Variants in SLC6A5 observed in about 807,000 individuals in gnomAD.
SLC6A5 encodes the protein sodium- and chloride-dependent glycine transporter 2.
SLC6A5 carries 58 observed loss-of-function variants against 90.5 expected under a neutral mutation model. That is an observed-to-expected ratio of 0.64 (90% CI 0.52 to 0.80). SLC6A5 has a LOEUF of 0.80. SLC6A5 is among the 30% of genes least tolerant of loss of function. The pLI, the probability that SLC6A5 is intolerant of heterozygous loss-of-function variation, is 0.00. For synonymous variants in SLC6A5, 427 were observed against 401.4 expected (o/e 1.06, Z -0.76); for missense variants, 1,015 against 1,017.6 (o/e 1.00, Z 0.03).
rs1409486234 is a variant in SLC6A5 at position 20,656,029 on chromosome 11, A to G, written c.*1161A>G. 6.6e-6 allele frequency: 1 copy of G among 152,208 alleles called. No individual in the cohort carries two copies. Among genetic ancestry groups the G allele is most frequent in the African/African-American group, 2.4e-5 (1 of 41,460 alleles). 9.4% of individuals were successfully genotyped at this position (152,208 alleles called of 1,614,324 possible). A position where few individuals can be genotyped will look rare whatever the true frequency, so the allele number is the denominator to read the frequency against. Reference sequence around the variant, plus strand: ...GCTTAGGTAAGTAGCGAGTGAGCCAATTAAGACTATAGCTTTTAAGACTAC... The same window carrying G: ...GCTTAGGTAAGTAGCGAGTGAGCCAGTTAAGACTATAGCTTTTAAGACTAC... On this transcript the variant is annotated 3_prime_UTR_variant, in exon 16 of 16. Coordinates refer to ENST00000525748, the MANE Select transcript of SLC6A5 (RefSeq NM_004211.5).
chr11:20,626,690 T>C lies in SLC6A5; in HGVS notation c.1261-18T>C. On this transcript the variant is annotated intron_variant, in intron 7 of 15. Coordinates refer to ENST00000525748, the MANE Select transcript of SLC6A5 (RefSeq NM_004211.5). ...GCAGGGCTGCTTCTTCCAGCCCCTC[T>C]GCCCATGGCTTTTCTAGGTGGTGTA... The C allele has an allele frequency of 1.2e-6, 2 of 1,613,884 alleles. No individual in the cohort carries two copies. Among genetic ancestry groups the C allele is most frequent in the Non-Finnish European group, 1.7e-6 (2 of 1,179,812 alleles).
At chr11:20,603,575 G>A (rs1852518623) in intron 2 of SLC6A5, among the ~76,000 whole-genome samples, 1 of 152,212 alleles carries the variant, frequency 6.6e-6, no homozygotes, top group South Asian at 2.1e-4. Flanking sequence ...TAGATGGCTT[G>A]TCTCTTCCCA....
chr11:20,613,485 A>G (rs922065754), intron 5 of SLC6A5, among the ~76,000 whole-genome samples: 1 of 152,150 alleles, frequency 6.6e-6, no homozygotes, highest in Non-Finnish European at 1.5e-5. Flanking sequence ...AATGACAATA[A>G]TAATATATAC....
rs1853656712 is a variant in SLC6A5, at chr11:20,657,893, G to A, written c.*3025G>A. 6.6e-6 allele frequency: 1 copy of A among 152,150 alleles called. No homozygotes were observed. The highest frequency in any genetic ancestry group is 1.5e-5 in the Non-Finnish European group (1 of 68,024). The allele number at this position is 152,150 out of a possible 1,614,324, so 9.4% of individuals were successfully genotyped here. On this transcript the variant is annotated 3_prime_UTR_variant, in exon 16 of 16. Coordinates refer to ENST00000525748, the MANE Select transcript of SLC6A5 (RefSeq NM_004211.5). ...ATTATCTTTAGGACTGTGCTTATCA[G>A]GTACAAATGTGTCTAGTTCTGTTTT...
chr11:20,606,342 G>T (rs1377954020), intron 3 of SLC6A5, among the ~76,000 whole-genome samples: 2 of 152,218 alleles, frequency 1.3e-5, no homozygotes, highest in African/African-American at 4.8e-5. Context: ...CCTGGAGAAA[G>T]GTACTGTGGG....
At chr11:20,637,848 T>A (rs1233890701) in intron 12 of SLC6A5, among the ~76,000 whole-genome samples, 1 of 152,224 alleles carries the variant, frequency 6.6e-6, no homozygotes, top group Non-Finnish European at 1.5e-5. Context: ...TTTCTTCCAG[T>A]CCCAAGTGTC....
chr11:20,637,345 G>C, intron 12 of SLC6A5, 42 bp downstream of exon 12: 2 of 1,563,098 alleles, frequency 1.3e-6, no homozygotes, highest in Non-Finnish European at 1.8e-6. Context: ...GGGGGCAGGA[G>C]GGTGGGGGGC....
chr11:20,633,983 T>C (rs1235286704), intron 10 of SLC6A5, among the ~76,000 whole-genome samples: 2 of 152,138 alleles, frequency 1.3e-5, no homozygotes, highest in Non-Finnish European at 2.9e-5. Flanking sequence ...ACCATTCTCC[T>C]GCCTCAGCCT....
chr11:20,629,993 G>C lies in SLC6A5; in HGVS notation c.1500-698G>C, dbSNP rs1382156643. Among the ~76,000 whole-genome samples, 3 of 152,250 alleles carry C rather than the reference G, an allele frequency of 2.0e-5. No homozygotes were observed. In the East Asian group the frequency reaches 5.8e-4, roughly 29 times the overall value. Reference sequence around the variant, plus strand: ...CTGCCTTGGCCTCCCAAAGTGCCGGGATTACAGGTATGAGCCACCGTGCCC... The same window carrying C: ...CTGCCTTGGCCTCCCAAAGTGCCGGCATTACAGGTATGAGCCACCGTGCCC... On this transcript the variant is annotated intron_variant, in intron 9 of 15. Transcript: ENST00000525748.
intron 7 of SLC6A5, among the ~76,000 whole-genome samples, chr11:20,625,811 G>A (rs1852982925): frequency 2.0e-5 from 3 of 152,174 alleles, no homozygotes; most frequent in South Asian, 2.1e-4. Flanking sequence ...CACTTGTCCA[G>A]TTCAGTGTCA....
At chr11:20,614,215 C>A (rs558209978) in intron 5 of SLC6A5, among the ~76,000 whole-genome samples, 2 of 152,158 alleles carry the variant, frequency 1.3e-5, no homozygotes, top group African/African-American at 4.8e-5. Context: ...TAATTCAATT[C>A]GTTTCAGCAA....
At chr11:20,604,134 T>C in intron 2 of SLC6A5, 152 bp from the exon 3 acceptor site, 13 of 928,382 alleles carry the variant, frequency 1.4e-5, no homozygotes, top group Non-Finnish European at 2.1e-5. Flanking sequence ...GCATCCTTTC[T>C]TTAGATTTGG....
chr11:20,601,527 G>T lies in SLC6A5; in HGVS notation c.402G>T (p.Val134=). ...FLRGPEGDAN[V]SVGKGTLERN... ...GAGGCCCGGAGGGGGATGCGAACGT[G>T]AGTGTGGGCAAGGGCACCCTGGAGC... Residue 134 remains valine, a synonymous_variant, in exon 2 of 16, where the codon GTG becomes GTT. Coordinates refer to ENST00000525748, the MANE Select transcript of SLC6A5 (RefSeq NM_004211.5). 6.2e-7 allele frequency: 1 copy of T among 1,614,164 alleles called. No individual in the cohort carries two copies. The highest frequency in any genetic ancestry group is 8.5e-7 in the Non-Finnish European group (1 of 1,179,980).
chr11:20,659,228 A>C lies in SLC6A5; in HGVS notation c.*4360A>C, dbSNP rs994290926. The C allele has an allele frequency of 6.6e-6, 1 of 152,154 alleles. No homozygotes were observed. The highest frequency in any genetic ancestry group is 1.9e-4 in the East Asian group (1 of 5,180). The allele number at this position is 152,154 out of a possible 1,614,324, so 9.4% of individuals were successfully genotyped here. ...TATGTACTGATATAAATTAGAATTT[A>C]CCCTAATAATGTATGAGTTCACAAA... On this transcript the variant is annotated 3_prime_UTR_variant, in exon 16 of 16. Transcript: ENST00000525748.
At chr11:20,622,399 A>G (rs1852909150) in intron 7 of SLC6A5, among the ~76,000 whole-genome samples, 1 of 152,148 alleles carries the variant, frequency 6.6e-6, no homozygotes, top group South Asian at 2.1e-4. Context: ...CTGACAGTGA[A>G]TGCCTCTGTA....
intron 5 of SLC6A5, among the ~76,000 whole-genome samples, chr11:20,610,288 T>C (rs575432464): frequency 1.3e-5 from 2 of 151,770 alleles, no homozygotes; most frequent in African/African-American, 4.9e-5. Context: ...CTGGGAAGCA[T>C]GCTCCTGCCG....
intron 5 of SLC6A5, among the ~76,000 whole-genome samples, chr11:20,613,198 G>A (rs1201862117): frequency 6.6e-6 from 1 of 152,172 alleles, no homozygotes; most frequent in East Asian, 1.9e-4. Context: ...TTCCTTATCT[G>A]TAACATAGAG....
intron 13 of SLC6A5, among the ~76,000 whole-genome samples, chr11:20,646,038 C>T (rs1238184887): frequency 6.6e-6 from 1 of 152,080 alleles, no homozygotes; most frequent in Non-Finnish European, 1.5e-5. Context: ...ATCTTAATCC[C>T]ACAGTCCTGG....
chr11:20,606,361 G>A (rs1053214411), intron 3 of SLC6A5, among the ~76,000 whole-genome samples: 1 of 152,244 alleles, frequency 6.6e-6, no homozygotes, highest in African/African-American at 2.4e-5. Flanking sequence ...GGAGGACTCA[G>A]AAGGGAGACT....
Sources: gnomAD v4.1 joint callset for allele counts (sites outside exome capture counted in the v4.1 genomes callset) on GRCh38, gnomAD v4.1.1 for gene constraint, MANE v1.5 for transcripts, NCBI Gene and HGNC (gene_info 2026-07-23, HGNC 2026-07-21) for gene names.